TASOR2: variants seen among roughly 807,000 people sequenced by gnomAD.
TASOR2 encodes transcription activation suppressor family member 2, also known as protein TASOR 2.
Under a neutral mutation model 199.5 loss-of-function variants are expected in TASOR2, and 84 were observed. That is an observed-to-expected ratio of 0.42 (90% CI 0.35 to 0.50). The LOEUF is 0.50. Ranked by LOEUF, TASOR2 falls within the 20% of genes least tolerant of loss-of-function variation. The probability of loss-of-function intolerance (pLI) is 0.02; values close to 1 mark genes in which losing one functional copy is unlikely to be tolerated. For synonymous variants in TASOR2, 1,103 were observed against 1,046.6 expected, an observed-to-expected ratio of 1.05 and a Z score of -1.04; for missense variants, 2,796 against 2,835.9, an observed-to-expected ratio of 0.99 and a Z score of 0.32.
At chr10:5,726,411 A>G (rs1834067254) in intron 8 of TASOR2, among the ~76,000 whole-genome samples, 1 of 152,224 alleles carries the variant, frequency 6.6e-6, no homozygotes, top group Non-Finnish European at 1.5e-5. Context: ...CCATTTCTTA[A>G]GATGCATAGA....
intron 18 of TASOR2, 75 bp from the exon 20 acceptor site, chr10:5,761,215 G>T (rs1424874725): frequency 9.0e-6 from 12 of 1,334,458 alleles, no homozygotes; most frequent in Non-Finnish European, 1.2e-5. Flanking sequence ...AGTTTGAATG[G>T]TTAAACTGAA....
At position 5,750,131 on chromosome 10, in the gene TASOR2, A is replaced by G. The variant is rs1380841596; in HGVS notation, c.6606+104A>G. 16 of 1,267,714 alleles carry G rather than the reference A, an allele frequency of 1.3e-5. No individual in the cohort carries two copies. The East Asian group carries it at 3.8e-4, about 30-fold the overall frequency. 78.5% of individuals were successfully genotyped at this position (1,267,714 alleles called of 1,614,324 possible). A position where few individuals can be genotyped will look rare whatever the true frequency, so the allele number is the denominator to read the frequency against. On this transcript the variant is annotated intron_variant, in intron 15 of 20. Coordinates refer to ENST00000328090, the Ensembl canonical transcript of TASOR2. The surrounding 1 kb of genome is among the most constrained non-coding windows in gnomAD (Gnocchi z 5.4). The stretch of plus-strand genomic sequence containing the variant: ...CATCAAAAAGAAATCATGGTATGAC[A>G]TAGTATTTAAATTTCACAGCTTAGT...
At chr10:5,693,966 T>C (rs1836810931) in intron 1 of TASOR2, among the ~76,000 whole-genome samples, 1 of 152,134 alleles carries the variant, frequency 6.6e-6, no homozygotes, top group Non-Finnish European at 1.5e-5. Context: ...AAATTTATAA[T>C]AATTCCATGT....
At chr10:5,731,855 C>A (rs1834867633) in intron 11 of TASOR2, among the ~76,000 whole-genome samples, 1 of 152,206 alleles carries the variant, frequency 6.6e-6, no homozygotes, top group South Asian at 2.1e-4. Context: ...AAAGGTTCTT[C>A]TAAAATCAGG....
At chr10:5,749,273 G>C (rs764177681) in exon 15 of TASOR2, 1 of 1,614,238 alleles carries the variant, frequency 6.2e-7, no homozygotes, top group Non-Finnish European at 8.5e-7. Context: ...CCGAGTTTCA[G>C]TGCAAACTGT....
chr10:5,758,229 C>G (rs1434131402), intron 17 of TASOR2, among the ~76,000 whole-genome samples: 1 of 152,160 alleles, frequency 6.6e-6, no homozygotes, highest in Non-Finnish European at 1.5e-5. Flanking sequence ...GTACCTTAAC[C>G]AGTGTGACTT....
rs1359248996 is a variant in TASOR2, at chr10:5,738,891, G to C, written c.1448-727G>C. Among the ~76,000 whole-genome samples, 1 of 152,158 alleles carries C rather than the reference G, an allele frequency of 6.6e-6. No individual in the cohort carries two copies. The highest frequency in any genetic ancestry group is 1.5e-5 in the Non-Finnish European group (1 of 68,032). On this transcript the variant is annotated intron_variant, in intron 12 of 20. Transcript: ENST00000328090. The surrounding 1 kb of genome is among the most constrained non-coding windows in gnomAD (Gnocchi z 4.7). ...TAAATGTTCTGATTAAGGGCATATG[G>C]ATAGATTTGATTATCTGTAAAAGGG...
At position 5,699,024 on chromosome 10, in the gene TASOR2, T is replaced by C. The variant is rs544826929; in HGVS notation, c.-287-13799T>C. On this transcript the variant is annotated intron_variant, in intron 1 of 20. Transcript: ENST00000328090. This position sits in a 1 kb window ranked among gnomAD's most constrained non-coding sequence, Gnocchi z 4.1. ...GAAAACATGTTCACATAAAAACTTA[T>C]ACATGAATGCTCATAGCATAATTAT... is the stretch of plus-strand genomic sequence containing the variant. Among the ~76,000 whole-genome samples, 16 of 152,308 alleles carry C rather than the reference T, an allele frequency of 1.1e-4. No homozygotes were observed. Among genetic ancestry groups the C allele is most frequent in the African/African-American group, 3.4e-4 (14 of 41,576 alleles).
chr10:5,712,259 G>A, intron 1 of TASOR2: 1 of 562,820 alleles, frequency 1.8e-6, no homozygotes, highest in Non-Finnish European at 2.6e-6. Flanking sequence ...TTTAAATTTT[G>A]TTAAGACAGT....
intron 8 of TASOR2, 49 bp from the exon 10 acceptor site, chr10:5,726,836 G>C (rs1426070943): frequency 6.6e-7 from 1 of 1,512,416 alleles, no homozygotes; most frequent in Admixed American, 1.7e-5. Context: ...AGGGAGAAGA[G>C]AGGGATTGCA....
At chr10:5,728,631 A>G (rs1370882726) in intron 10 of TASOR2, among the ~76,000 whole-genome samples, 1 of 152,066 alleles carries the variant, frequency 6.6e-6, no homozygotes, top group Non-Finnish European at 1.5e-5. Flanking sequence ...AAAAAAAAAC[A>G]AAACAATTCA....
chr10:5,731,165 A>C (rs1303957090), exon 11 of TASOR2: 5 of 1,607,604 alleles, frequency 3.1e-6, no homozygotes, highest in South Asian at 1.1e-5. Context: ...ACAACTCTTA[A>C]GTTAGTTAAA....
intron 8 of TASOR2, among the ~76,000 whole-genome samples, chr10:5,724,791 G>A (rs1833837891): frequency 6.6e-6 from 1 of 151,558 alleles, no homozygotes; most frequent in African/African-American, 2.4e-5. Flanking sequence ...GACCCCCAGT[G>A]GATGCCTGAA....
At position 5,720,260 on chromosome 10, in the gene TASOR2, G is replaced by A. The variant is rs1255877922; in HGVS notation, c.-99-284G>A. On this transcript the variant is annotated intron_variant, in intron 3 of 20. Coordinates refer to ENST00000328090, the Ensembl canonical transcript of TASOR2. This position sits in a 1 kb window ranked among gnomAD's most constrained non-coding sequence, Gnocchi z 5.3. Reference sequence around the variant, plus strand: ...ATTAGTTTTAATATTTTCATTCTAGGGAAAAGTCAAGTTTGTGTCTGAGAA... The same window carrying A: ...ATTAGTTTTAATATTTTCATTCTAGAGAAAAGTCAAGTTTGTGTCTGAGAA... 1 of 985,106 alleles carries A rather than the reference G, an allele frequency of 1.0e-6. No homozygotes were observed. The highest frequency in any genetic ancestry group is 1.2e-6 in the Non-Finnish European group (1 of 829,840). 61.0% of individuals were successfully genotyped at this position (985,106 alleles called of 1,614,324 possible). A position where few individuals can be genotyped will look rare whatever the true frequency, so the allele number is the denominator to read the frequency against.
chr10:5,714,221 G>A lies in TASOR2; in HGVS notation c.-192+1303G>A. 1 of 1,229,640 alleles carries A rather than the reference G, an allele frequency of 8.1e-7. No individual in the cohort carries two copies. The allele number at this position is 1,229,640 out of a possible 1,614,324, so 76.2% of individuals were successfully genotyped here. ...ATCCAGCCAAAGGTAAGTCCGTAAA[G>A]CAAAAAGAATCTTAAAAAAAAATCT... On this transcript the variant is annotated intron_variant, in intron 2 of 20. Coordinates refer to ENST00000328090, the Ensembl canonical transcript of TASOR2.
intron 11 of TASOR2, 109 bp downstream of exon 12, chr10:5,731,312 T>C: frequency 9.9e-6 from 10 of 1,007,608 alleles, no homozygotes; most frequent in Non-Finnish European, 1.3e-5. Context: ...GTGGATCACC[T>C]AAGGTCAGGA....
At chr10:5,758,623 A>C (rs1379573578) in intron 17 of TASOR2, among the ~76,000 whole-genome samples, 1 of 152,226 alleles carries the variant, frequency 6.6e-6, no homozygotes, top group Non-Finnish European at 1.5e-5. Flanking sequence ...ATTTGTACAC[A>C]GAACTCTAGT....
chr10:5,730,718 C>G lies in TASOR2; in HGVS notation c.719C>G (p.Pro240Arg), dbSNP rs1834697064. ...GACCCTACATTCTTGGGGAAACTGC[C>G]CAGTGGTTTTGACTTGATTCCTCCA... Residue 240 changes from proline to arginine, a missense_variant, in exon 11 of 21, where the codon CCC becomes CGC. This residue lies in a region of TASOR2 where 847 missense variants were observed against 887.4 expected (regional missense o/e 0.95). Coordinates refer to ENST00000328090, the Ensembl canonical transcript of TASOR2. This position sits in a 1 kb window ranked among gnomAD's most constrained non-coding sequence, Gnocchi z 4.1. 6.2e-7 allele frequency: 1 copy of G among 1,614,018 alleles called. No individual in the cohort carries two copies. Among genetic ancestry groups the G allele is most frequent in the African/African-American group, 1.3e-5 (1 of 74,894 alleles).
chr10:5,693,375 C>T (rs1836726599), intron 1 of TASOR2, among the ~76,000 whole-genome samples: 1 of 152,220 alleles, frequency 6.6e-6, no homozygotes, highest in Admixed American at 6.5e-5. Flanking sequence ...TTAGTTTTTA[C>T]TCCCTTTGTG....
Sources: gnomAD v4.1 joint callset for allele counts (sites outside exome capture counted in the v4.1 genomes callset) on GRCh38, gnomAD v4.1.1 for gene constraint, gnomAD v4.1.1 regional missense constraint, Gnocchi (gnomAD v3.1) non-coding constraint, MANE v1.5 for transcripts, NCBI Gene and HGNC (gene_info 2026-07-23, HGNC 2026-07-21) for gene names.